Variants in TEKT5 observed in about 807,000 individuals in gnomAD.
TEKT5 encodes the protein tektin 5.
A neutral mutation model predicts 48.7 loss-of-function variants in TEKT5; 52 were observed. That is an observed-to-expected ratio of 1.07 (90% CI 0.86 to 1.35). The LOEUF is 1.35. Ranked by LOEUF, TEKT5 falls within the 40% of genes most tolerant of loss-of-function variation. The pLI is 0.00. For synonymous variants in TEKT5, 318 were observed against 267.6 expected (o/e 1.19, Z -1.84); for missense variants, 831 against 641.6 (o/e 1.30, Z -3.19).
chr16:10,652,836 GACACACAC>G (rs572998899), intron 5 of TEKT5, among the ~76,000 whole-genome samples: 2 of 19,662 alleles, frequency 1.0e-4, no homozygotes, highest in Non-Finnish European at 1.8e-4. Flanking sequence ...TACACAGGCA[GACACACAC>G]ACACACACAC....
At chr16:10,683,556 T>C (rs974499319) in intron 3 of TEKT5, among the ~76,000 whole-genome samples, 2 of 152,216 alleles carry the variant, frequency 1.3e-5, no homozygotes, top group Non-Finnish European at 2.9e-5. Context: ...ACTCGACTAT[T>C]TACTTATTTT....
At chr16:10,678,247 T>C (rs1036193440) in intron 4 of TEKT5, among the ~76,000 whole-genome samples, 1 of 151,982 alleles carries the variant, frequency 6.6e-6, no homozygotes, top group Non-Finnish European at 1.5e-5. Context: ...TACAGGCGAG[T>C]GCCACCACAC....
chr16:10,681,910 C>T (rs1407716566), intron 4 of TEKT5, 83 bp downstream of exon 4: 1 of 1,538,270 alleles, frequency 6.5e-7, no homozygotes, highest in East Asian at 2.3e-5. Context: ...TGCACGATGC[C>T]CCTTCGCCAT....
At position 10,677,658 on chromosome 16, in the gene TEKT5, CTGTAAAGGGCAAGAGAAAAGGA is replaced by C. The variant is rs1422691812; in HGVS notation, c.864-1499_864-1478del. Among the ~76,000 whole-genome samples the C allele has an allele frequency of 8.5e-5, 9 of 106,204 alleles. 2 individuals carry two copies. The highest frequency in any genetic ancestry group is 3.1e-4 in the South Asian group (1 of 3,246). The allele number at this position is 106,204 out of a possible 152,430, so 69.7% of individuals were successfully genotyped here. ...ATGCATGAAGCTGTCACTATCCCAGCTGTAAAGGGCAAGAGAAAAGGAAGCAATAGGTGTTATAAAAGCCCCA... is the reference window on the plus strand; with the variant it reads ...ATGCATGAAGCTGTCACTATCCCAGCAGCAATAGGTGTTATAAAAGCCCCA... On this transcript the variant is annotated intron_variant, in intron 4 of 6. Transcript: ENST00000283025.
At chr16:10,659,697 G>A (rs1463963260) in intron 5 of TEKT5, among the ~76,000 whole-genome samples, 6 of 152,274 alleles carry the variant, frequency 3.9e-5, no homozygotes, top group East Asian at 1.9e-4. Flanking sequence ...TAAGGCAACC[G>A]CAGAGAAAAC....
At chr16:10,656,328 T>C (rs1030755017) in intron 5 of TEKT5, among the ~76,000 whole-genome samples, 5 of 152,246 alleles carry the variant, frequency 3.3e-5, no homozygotes, top group African/African-American at 1.2e-4. Context: ...GTCAGCTCCC[T>C]GCAATCTATG....
At chr16:10,635,728 G>A (rs1897902192) in intron 6 of TEKT5, 36 bp downstream of exon 6, 1 of 1,594,306 alleles carries the variant, frequency 6.3e-7, no homozygotes, top group African/African-American at 1.3e-5. Context: ...TGGATTCCCA[G>A]GGGTTCTCCT....
At chr16:10,657,603 T>C (rs1279211388) in intron 5 of TEKT5, among the ~76,000 whole-genome samples, 12 of 148,044 alleles carry the variant, frequency 8.1e-5, no homozygotes, top group South Asian at 2.2e-4. Flanking sequence ...TTTTTTTTTT[T>C]CCCTGAGATG....
At position 10,651,380 on chromosome 16, in the gene TEKT5, A is replaced by C. The variant is rs7202032; in HGVS notation, c.1087-15462T>G. On this transcript the variant is annotated intron_variant, in intron 5 of 6. Transcript: ENST00000283025. Reference sequence around the variant, plus strand: ...CCCTGGCATACTGTATGTTTTACTCATTAATTTTGTTGTTAATTCCCCTAA... The same window carrying C: ...CCCTGGCATACTGTATGTTTTACTCCTTAATTTTGTTGTTAATTCCCCTAA... Among the ~76,000 whole-genome samples, 1,126 of 152,256 alleles carry C rather than the reference A, an allele frequency of 7.4e-3. 22 individuals carry two copies. The highest frequency in any genetic ancestry group is 0.023 in the African/African-American group (935 of 41,554).
At chr16:10,637,126 T>G (rs1246686643) in intron 5 of TEKT5, among the ~76,000 whole-genome samples, 1 of 151,492 alleles carries the variant, frequency 6.6e-6, no homozygotes, top group Non-Finnish European at 1.5e-5. Flanking sequence ...GGATTACAGG[T>G]GCCTGCCACC....
At chr16:10,675,758 G>T (rs1025525667) in intron 5 of TEKT5, among the ~76,000 whole-genome samples, 5 of 152,110 alleles carry the variant, frequency 3.3e-5, no homozygotes, top group African/African-American at 1.2e-4. Context: ...AGCAAGACAA[G>T]ATGGACTATG....
chr16:10,659,754 T>C (rs191120035), intron 5 of TEKT5, among the ~76,000 whole-genome samples: 9 of 152,302 alleles, frequency 5.9e-5, no homozygotes, highest in Admixed American at 3.9e-4. Context: ...GAAAGGCCTG[T>C]ACGCTCATTA....
intron 5 of TEKT5, among the ~76,000 whole-genome samples, chr16:10,651,969 T>TAA (rs138577956): frequency 0.015 from 2,266 of 151,794 alleles, 55 homozygotes; most frequent in African/African-American, 0.053. Flanking sequence ...CTCAAAAAAA[T>TAA]AAAAAAGACA....
intron 5 of TEKT5, among the ~76,000 whole-genome samples, chr16:10,653,689 G>T (rs575182438): frequency 1.3e-5 from 2 of 152,296 alleles, no homozygotes; most frequent in East Asian, 3.9e-4. Flanking sequence ...AAGGTGGGGA[G>T]ATCACCTGAG....
intron 5 of TEKT5, among the ~76,000 whole-genome samples, chr16:10,638,673 G>C (rs74007177): frequency 0.023 from 3,430 of 152,318 alleles, 132 homozygotes; most frequent in African/African-American, 0.079. Flanking sequence ...TGCACCTGCT[G>C]TTCCATACAA....
chr16:10,666,744 CG>C (rs1898464838), intron 5 of TEKT5, among the ~76,000 whole-genome samples: 1 of 152,176 alleles, frequency 6.6e-6, no homozygotes, highest in Admixed American at 6.5e-5. Context: ...CAATACAAGG[CG>C]TGAGAACTGT....
chr16:10,669,390 CGGA>C (rs573311841), intron 5 of TEKT5, among the ~76,000 whole-genome samples: 1 of 152,130 alleles, frequency 6.6e-6, no homozygotes, highest in South Asian at 2.1e-4. Flanking sequence ...ACCTGGCAGG[CGGA>C]GGTTGCAGTG....
intron 5 of TEKT5, among the ~76,000 whole-genome samples, chr16:10,636,408 G>A (rs2142259707): frequency 6.6e-6 from 1 of 151,598 alleles, no homozygotes; most frequent in Non-Finnish European, 1.5e-5. Flanking sequence ...ACCCTGAGAA[G>A]CCGCTTCAGG....
In TEKT5 at chr16:10,682,113, A is replaced by G. The variant is rs1375273325; in HGVS notation, c.743T>C (p.Val248Ala). ...TTTGTCTTCGAGGTCCCTCTCCAGC[A>G]CGTGCTGAGCATCCCGGTTATCCCT... ...QMRDNRDAQH[V>A]LERDLEDKSS... Residue 248 changes from valine (V) to alanine (A), a missense_variant, in exon 4 of 7, where the codon GTG becomes GCG. Val to Ala is a moderately conservative substitution (Grantham distance 64). Coordinates refer to ENST00000283025, the MANE Select transcript of TEKT5 (RefSeq NM_144674.2). 1 of 1,613,968 alleles carries G rather than the reference A, an allele frequency of 6.2e-7. No individual in the cohort carries two copies. Among genetic ancestry groups the G allele is most frequent in the East Asian group, 2.2e-5 (1 of 44,878 alleles).
Sources: allele counts gnomAD v4.1 joint callset (sites outside exome capture counted in the v4.1 genomes callset), GRCh38; gene constraint gnomAD v4.1.1; transcripts MANE v1.5; gene names NCBI Gene and HGNC (gene_info 2026-07-23, HGNC 2026-07-21).